The following ANKRD45 variants were observed in gnomAD, a reference collection of about 807,000 sequenced individuals.
ANKRD45 encodes the protein ankyrin repeat domain 45, also known as ankyrin repeat domain-containing protein 45.
ANKRD45 carries 21 observed loss-of-function variants against 28.1 expected under a neutral mutation model. That is an observed-to-expected ratio of 0.75 (90% confidence interval 0.53 to 1.08). The LOEUF is 1.08. Among genes scored for constraint, ANKRD45 ranks in the 50% least tolerant of loss-of-function variants. ANKRD45 has a pLI of 0.00. For synonymous variants in ANKRD45, 86 were observed against 103.9 expected (o/e 0.83, Z 1.05); for missense variants, 261 against 308.7 (o/e 0.85, Z 1.16).
chr1:173,671,746 G>C (rs532712068), upstream of ANKRD45, among the ~76,000 whole-genome samples: 3 of 151,888 alleles, frequency 2.0e-5, no homozygotes, highest in Non-Finnish European at 4.4e-5. Flanking sequence ...GCCAGGCGTG[G>C]TGGTATGCGC....
the ANKRD45 span, among the ~76,000 whole-genome samples, chr1:173,678,450 C>G: frequency 6.6e-6 from 1 of 152,086 alleles, no homozygotes; most frequent in Non-Finnish European, 1.5e-5. Flanking sequence ...TAAACAGAAC[C>G]AATGACAAAA....
the ANKRD45 span, among the ~76,000 whole-genome samples, chr1:173,678,000 A>AAAAT: frequency 1.3e-5 from 2 of 152,180 alleles, no homozygotes; most frequent in African/African-American, 4.8e-5. Flanking sequence ...ACTGTGGGGA[A>AAAAT]AAATAACTTA....
At chr1:173,630,676 C>G (rs1668147573) in intron 3 of ANKRD45, among the ~76,000 whole-genome samples, 1 of 146,740 alleles carries the variant, frequency 6.8e-6, no homozygotes, top group South Asian at 2.1e-4. Context: ...CAAAAATTAG[C>G]TGGCGTCGTG....
chr1:173,643,021 C>T (rs1030962753), intron 3 of ANKRD45, among the ~76,000 whole-genome samples: 1 of 152,116 alleles, frequency 6.6e-6, no homozygotes, highest in African/African-American at 2.4e-5. Flanking sequence ...TGACACCAAC[C>T]ACCTGTTCCC....
intron 3 of ANKRD45, among the ~76,000 whole-genome samples, chr1:173,642,468 T>C (rs574734827): frequency 7.5e-4 from 115 of 152,322 alleles, no homozygotes; most frequent in Non-Finnish European, 1.4e-3. Context: ...GAAAATGAAA[T>C]AGAGGTTCCT....
Position 173,659,112 on chromosome 1 carries a change from G to A in ANKRD45, c.307C>T (p.Leu103=). Residue 103 remains leucine (L), a synonymous_variant, in exon 2 of 6, where the codon CTG becomes TTG. Transcript: ENST00000333279. ...ATACCTCTGGTGGTTTTTTCATTCA[G>A]ATTCACACCATATTTTGCCAAAGCT... is the stretch of plus-strand genomic sequence containing the variant. ...IRALAKYGVN[L]NEKTTRGYTL... The A allele has an allele frequency of 6.2e-7, 1 of 1,613,458 alleles. No homozygotes were observed. Among genetic ancestry groups the A allele is most frequent in the Non-Finnish European group, 8.5e-7 (1 of 1,179,790 alleles).
At chr1:173,700,477 T>C in the ANKRD45 span, among the ~76,000 whole-genome samples, 2 of 152,082 alleles carry the variant, frequency 1.3e-5, no homozygotes. Context: ...AACAGAGATA[T>C]AGACCAATGG....
chr1:173,613,661 C>G (rs1258479483), intron 5 of ANKRD45, among the ~76,000 whole-genome samples: 1 of 147,392 alleles, frequency 6.8e-6, no homozygotes, highest in South Asian at 2.1e-4. Flanking sequence ...GGGTCAGCCC[C>G]CGCCTGGCCG....
At chr1:173,614,109 G>T (rs1358510083) in intron 5 of ANKRD45, among the ~76,000 whole-genome samples, 1 of 152,078 alleles carries the variant, frequency 6.6e-6, no homozygotes, top group African/African-American at 2.4e-5. Flanking sequence ...CTAATCTCAA[G>T]TACCCAGGGA....
chr1:173,612,303 AGAAG>A (rs1164224174), intron 5 of ANKRD45, among the ~76,000 whole-genome samples: 2 of 114,404 alleles, frequency 1.7e-5, no homozygotes, highest in East Asian at 2.8e-4. Context: ...AAAGAAGGAA[AGAAG>A]GAAGGAAGGA....
chr1:173,671,477 C>T (rs1159740685), upstream of ANKRD45, among the ~76,000 whole-genome samples: 2 of 152,086 alleles, frequency 1.3e-5, no homozygotes, highest in East Asian at 1.9e-4. Flanking sequence ...TGCACGTGCT[C>T]CTCTCCCAAG....
At chr1:173,693,873 G>C in the ANKRD45 span, among the ~76,000 whole-genome samples, 6 of 152,194 alleles carry the variant, frequency 3.9e-5, no homozygotes, top group Non-Finnish European at 8.8e-5. Context: ...ACAGTCCACT[G>C]CCCATCAGTA....
At chr1:173,647,946 G>T (rs1332221929) in intron 2 of ANKRD45, among the ~76,000 whole-genome samples, 2 of 151,848 alleles carry the variant, frequency 1.3e-5, no homozygotes, top group African/African-American at 4.8e-5. Context: ...AGCATGCCCA[G>T]ATATTTTTTT....
At chr1:173,630,464 T>G (rs1025069762) in intron 3 of ANKRD45, among the ~76,000 whole-genome samples, 6 of 152,188 alleles carry the variant, frequency 3.9e-5, no homozygotes, top group African/African-American at 1.4e-4. Flanking sequence ...TTTGCTTGTT[T>G]GTTTATACAA....
At chr1:173,674,295 C>T (rs376934105), upstream of ANKRD45, among the ~76,000 whole-genome samples, 754 of 152,038 alleles carry the variant, frequency 5.0e-3, 7 homozygotes, top group African/African-American at 0.017. Context: ...ATTACAGGCA[C>T]GAGCCACTGC....
intron 3 of ANKRD45, among the ~76,000 whole-genome samples, chr1:173,628,158 A>G (rs1435523801): frequency 4.6e-5 from 7 of 151,554 alleles, no homozygotes; most frequent in African/African-American, 1.7e-4. Context: ...ACCTTGGGTG[A>G]GACTCAGAGC....
intron 5 of ANKRD45, among the ~76,000 whole-genome samples, chr1:173,613,572 C>CG (rs1337327176): frequency 1.4e-5 from 2 of 145,486 alleles, no homozygotes; most frequent in Non-Finnish European, 3.0e-5. Flanking sequence ...GCCCCCCCCC[C>CG]GGCCAGCCGC....
At chr1:173,639,565 C>T (rs1668612928) in intron 3 of ANKRD45, among the ~76,000 whole-genome samples, 1 of 152,152 alleles carries the variant, frequency 6.6e-6, no homozygotes, top group African/African-American at 2.4e-5. Flanking sequence ...TGGTTCTCAG[C>T]CTTCATGGGT....
the ANKRD45 span, among the ~76,000 whole-genome samples, chr1:173,683,197 T>A: frequency 6.6e-6 from 1 of 152,056 alleles, no homozygotes; most frequent in Non-Finnish European, 1.5e-5. Context: ...AATGGTAAGG[T>A]GAAATTAAGA....
Sources: allele counts gnomAD v4.1 joint callset (sites outside exome capture counted in the v4.1 genomes callset), GRCh38; gene constraint gnomAD v4.1.1; transcripts MANE v1.5; gene names NCBI Gene and HGNC (gene_info 2026-07-23, HGNC 2026-07-21).